The following MKLN1 variants were observed in gnomAD, a reference collection of about 807,000 sequenced individuals.
The protein encoded by MKLN1 is muskelin 1.
In MKLN1, 18 loss-of-function variants were observed where a neutral mutation model predicts 99.0. That is an observed-to-expected ratio of 0.18 (90% confidence interval 0.13 to 0.27). The LOEUF is 0.27. MKLN1 is among the 10% of genes least tolerant of loss of function. The probability of loss-of-function intolerance (pLI) is 1.00; values close to 1 mark genes in which losing one functional copy is unlikely to be tolerated. For synonymous variants in MKLN1, 288 were observed against 293.2 expected, an observed-to-expected ratio of 0.98 and a Z score of 0.18; for missense variants, 621 against 875.9, an observed-to-expected ratio of 0.71 and a Z score of 3.67.
At chr7:131,216,799 C>T (rs1253131704) in intron 3 of MKLN1, among the ~76,000 whole-genome samples, 2 of 152,202 alleles carry the variant, frequency 1.3e-5, no homozygotes, top group Non-Finnish European at 2.9e-5. Flanking sequence ...AGGCCTCTTA[C>T]TAACCAGACA....
chr7:131,417,194 A>G (rs1211481390), intron 8 of MKLN1, among the ~76,000 whole-genome samples: 3 of 152,128 alleles, frequency 2.0e-5, no homozygotes, highest in African/African-American at 7.2e-5. Context: ...AAATCGGCCT[A>G]TATCCACACT....
At chr7:131,148,119 G>C (rs1265479131) in intron 2 of MKLN1, among the ~76,000 whole-genome samples, 1 of 151,976 alleles carries the variant, frequency 6.6e-6, no homozygotes, top group African/African-American at 2.4e-5. Flanking sequence ...CATAATTATG[G>C]GTCACTGTAA....
At chr7:131,278,938 A>C (rs1798012116) in intron 3 of MKLN1, among the ~76,000 whole-genome samples, 2 of 152,170 alleles carry the variant, frequency 1.3e-5, no homozygotes, top group African/African-American at 4.8e-5. Context: ...TTCAATTCTT[A>C]AACCAATCCT....
At chr7:131,155,965 A>G (rs983550122) in intron 2 of MKLN1, among the ~76,000 whole-genome samples, 2 of 152,198 alleles carry the variant, frequency 1.3e-5, no homozygotes, top group Non-Finnish European at 1.5e-5. Flanking sequence ...TTTTTGATAA[A>G]AATTCTATAG....
chr7:131,410,759 C>T (rs1394911275), intron 6 of MKLN1, among the ~76,000 whole-genome samples: 2 of 152,088 alleles, frequency 1.3e-5, no homozygotes, highest in Non-Finnish European at 2.9e-5. Flanking sequence ...TATAATTCTC[C>T]TAATCTTTAG....
chr7:131,431,712 A>G (rs1006326491), intron 9 of MKLN1, among the ~76,000 whole-genome samples: 1 of 152,228 alleles, frequency 6.6e-6, no homozygotes, highest in African/African-American at 2.4e-5. Context: ...GTAAATAACA[A>G]CAACAATAAT....
rs562585959 is a variant in MKLN1, at chr7:131,479,249, C to T, written c.2086+572C>T. 5.9e-5 allele frequency among the ~76,000 whole-genome samples: 9 copies of T among 152,268 alleles called. No individual in the cohort carries two copies. In the East Asian group the frequency reaches 1.7e-3, roughly 29 times the overall value. On this transcript the variant is annotated intron_variant, in intron 17 of 17. Transcript: ENST00000352689. ...TAGTATTAATGAATTATTAACTAGA[C>T]TGTAGGCCGGGCACAGTGGCTCACA...
chr7:131,380,209 T>C (rs769836541), intron 2 of MKLN1, among the ~76,000 whole-genome samples: 1 of 152,152 alleles, frequency 6.6e-6, no homozygotes, highest in Non-Finnish European at 1.5e-5. Context: ...TCCCTAGCAA[T>C]AGACCTACAG....
chr7:131,182,059 G>A (rs978753365), intron 2 of MKLN1, among the ~76,000 whole-genome samples: 1 of 152,066 alleles, frequency 6.6e-6, no homozygotes, highest in Non-Finnish European at 1.5e-5. Flanking sequence ...GCTGGAACCC[G>A]GGACGGGGAG....
At chr7:131,187,571 T>C (rs938950542) in intron 2 of MKLN1, among the ~76,000 whole-genome samples, 1 of 152,222 alleles carries the variant, frequency 6.6e-6, no homozygotes, top group African/African-American at 2.4e-5. Context: ...TAGGTAGTTA[T>C]GACAGAGACT....
intron 2 of MKLN1, among the ~76,000 whole-genome samples, chr7:131,182,027 G>T (rs1403255080): frequency 1.3e-5 from 2 of 152,056 alleles, no homozygotes; most frequent in East Asian, 3.9e-4. Context: ...CCAGTTACCC[G>T]GGAAGCTGAA....
In MKLN1 at chr7:131,462,666, G is replaced by C. The variant is rs1212074486; in HGVS notation, c.1526-551G>C. ...ATTCAGGCACTATTCTAGACACTGGGAACAAAATAGTGAACAAAACAGCCT... is the reference window on the plus strand; with the variant it reads ...ATTCAGGCACTATTCTAGACACTGGCAACAAAATAGTGAACAAAACAGCCT... On this transcript the variant is annotated intron_variant, in intron 12 of 17. Coordinates refer to ENST00000352689, the MANE Select transcript of MKLN1 (RefSeq NM_013255.5). Among the ~76,000 whole-genome samples the C allele has an allele frequency of 2.6e-5, 4 of 152,140 alleles. No individual in the cohort carries two copies. In the South Asian group the frequency reaches 8.3e-4, roughly 31 times the overall value.
chr7:131,285,526 G>T (rs1199601694), intron 3 of MKLN1, among the ~76,000 whole-genome samples: 1 of 152,204 alleles, frequency 6.6e-6, no homozygotes. Flanking sequence ...TGGACTTGCC[G>T]AAAGTCAACT....
chr7:131,361,895 G>T (rs942227727), intron 1 of MKLN1, among the ~76,000 whole-genome samples: 2 of 151,230 alleles, frequency 1.3e-5, no homozygotes, highest in Non-Finnish European at 3.0e-5. Context: ...GTTTTAGTTC[G>T]GTGGTTAAAT....
intron 1 of MKLN1, among the ~76,000 whole-genome samples, chr7:131,135,908 G>A (rs1795642419): frequency 6.6e-6 from 1 of 152,156 alleles, no homozygotes; most frequent in Non-Finnish European, 1.5e-5. Context: ...AGATAAATGA[G>A]TTATTCTGAG....
intron 3 of MKLN1, among the ~76,000 whole-genome samples, chr7:131,246,900 T>C (rs1357881084): frequency 6.6e-6 from 1 of 152,210 alleles, no homozygotes; most frequent in Admixed American, 6.5e-5. Context: ...TTTCTGTACC[T>C]GTAGATGGAG....
chr7:131,198,337 C>T lies in MKLN1; in HGVS notation c.-296-4520C>T, dbSNP rs188844134. Among the ~76,000 whole-genome samples the T allele has an allele frequency of 3.9e-5, 6 of 152,158 alleles. No homozygotes were observed. In the South Asian group the frequency reaches 6.2e-4, roughly 16 times the overall value. On this transcript the variant is annotated intron_variant, in intron 2 of 7. Transcript: ENST00000416992. Reference sequence around the variant, plus strand: ...AAGTTGAGCAAAGTAGGACACATGTCGTCAGGACCTCCTGAGGCTGTGTCA... The same window carrying T: ...AAGTTGAGCAAAGTAGGACACATGTTGTCAGGACCTCCTGAGGCTGTGTCA...
At chr7:131,178,655 T>A (rs1796336374) in intron 2 of MKLN1, among the ~76,000 whole-genome samples, 1 of 152,202 alleles carries the variant, frequency 6.6e-6, no homozygotes. Flanking sequence ...TTGGCACTCC[T>A]GCTTTTGTTT....
At chr7:131,212,935 A>C (rs868433475) in intron 3 of MKLN1, among the ~76,000 whole-genome samples, 7 of 102,754 alleles carry the variant, frequency 6.8e-5, no homozygotes, top group African/African-American at 1.5e-4. Flanking sequence ...AAAAAAAAAA[A>C]CAAAAAACAC....
Sources: gnomAD v4.1 joint callset for allele counts (sites outside exome capture counted in the v4.1 genomes callset) on GRCh38, gnomAD v4.1.1 for gene constraint, MANE v1.5 for transcripts, NCBI Gene and HGNC (gene_info 2026-07-23, HGNC 2026-07-21) for gene names.